Variants in WDSUB1 observed in about 807,000 individuals in gnomAD.
WDSUB1 encodes the protein WD repeat, sterile alpha motif and U-box domain containing 1, also known as WD repeat, SAM and U-box domain-containing protein 1.
In WDSUB1, 49 loss-of-function variants were observed where a neutral mutation model predicts 53.9. The observed-to-expected ratio is 0.91, with a 90% CI of 0.72 to 1.15. The LOEUF is 1.15. Among genes scored for constraint, WDSUB1 ranks in the 50% most tolerant of loss-of-function variants. WDSUB1 has a pLI of 0.00. For missense variants in WDSUB1, 514 were observed against 562.0 expected (o/e 0.91, Z 0.86); for synonymous variants, 194 against 200.6 (o/e 0.97, Z 0.28).
At chr2:159,242,231 ATATTTTTAG>A (rs1287870470) in intron 10 of WDSUB1, among the ~76,000 whole-genome samples, 1 of 146,140 alleles carries the variant, frequency 6.8e-6, no homozygotes, top group African/African-American at 2.7e-5. Context: ...TTTTTTAAAT[ATATTTTTAG>A]TAGAGACGGG....
At chr2:159,250,529 A>G (rs2060927970) in intron 9 of WDSUB1, among the ~76,000 whole-genome samples, 3 of 152,226 alleles carry the variant, frequency 2.0e-5, no homozygotes, top group Non-Finnish European at 4.4e-5. Context: ...CACCACAGCC[A>G]GCCTTGAATG....
intron 10 of WDSUB1, among the ~76,000 whole-genome samples, chr2:159,241,969 T>C (rs2060661965): frequency 6.8e-6 from 1 of 147,690 alleles, no homozygotes; most frequent in Non-Finnish European, 1.5e-5. Flanking sequence ...CAGATAAGAA[T>C]GAAGCATGTA....
At chr2:159,268,482 C>T (rs1575477523) in intron 5 of WDSUB1, among the ~76,000 whole-genome samples, 1 of 152,176 alleles carries the variant, frequency 6.6e-6, no homozygotes, top group East Asian at 1.9e-4. Flanking sequence ...ATGACAACAA[C>T]ATAACTAGTA....
chr2:159,277,282 G>C (rs1275754271), intron 3 of WDSUB1, among the ~76,000 whole-genome samples: 1 of 152,162 alleles, frequency 6.6e-6, no homozygotes, highest in East Asian at 1.9e-4. Flanking sequence ...GAGATCTTGA[G>C]GGATACAGGC....
intron 3 of WDSUB1, among the ~76,000 whole-genome samples, chr2:159,277,308 C>G (rs1183861443): frequency 6.6e-6 from 1 of 152,226 alleles, no homozygotes; most frequent in African/African-American, 2.4e-5. Context: ...CTGATAATCA[C>G]TGTCTTTTTA....
At chr2:159,257,245 A>G (rs1559542733) in intron 8 of WDSUB1, among the ~76,000 whole-genome samples, 1 of 152,132 alleles carries the variant, frequency 6.6e-6, no homozygotes, top group South Asian at 2.1e-4. Context: ...CACGCAATCC[A>G]TCCACCTCGG....
chr2:159,267,617 A>T (rs6737238), intron 5 of WDSUB1, among the ~76,000 whole-genome samples: 22,926 of 152,076 alleles, frequency 0.15, 3,490 homozygotes, highest in African/African-American at 0.38. Context: ...AGTACACAAT[A>T]CTGACCTACA....
chr2:159,282,608 TTCAGTTTTTTTTAAGTACACCTAG>T, intron 2 of WDSUB1, 40 bp downstream of exon 2: 1 of 1,531,356 alleles, frequency 6.5e-7, no homozygotes, highest in Non-Finnish European at 8.8e-7. Flanking sequence ...ATATTTTGCT[TTCAGTTTTTTTTAAGTACACCTAG>T]TCAACAGGAT....
At position 159,235,876 on chromosome 2, in the gene WDSUB1, G is replaced by GT. The variant is rs34183718; in HGVS notation, c.*156dup. 1 of 663,538 alleles carries GT rather than the reference G, an allele frequency of 1.5e-6. No homozygotes were observed. The highest frequency in any genetic ancestry group is 2.3e-6 in the Non-Finnish European group (1 of 442,450). The allele number at this position is 663,538 out of a possible 1,614,324, so 41.1% of individuals were successfully genotyped here. On this transcript the variant is annotated 3_prime_UTR_variant, in exon 11 of 11. Transcript: ENST00000359774. ...AAAGGCTTTTATAGTAAGTCCATGT[G>GT]TTTTTTAAAGAATGAAAATTGACAA...
rs1420466857 is a variant in WDSUB1, at chr2:159,286,684, A to T, written c.-126T>A. The T allele has an allele frequency of 6.6e-6, 1 of 151,964 alleles. No homozygotes were observed. Among genetic ancestry groups the T allele is most frequent in the East Asian group, 1.9e-4 (1 of 5,136 alleles). The allele number at this position is 151,964 out of a possible 1,614,324, so 9.4% of individuals were successfully genotyped here. A position where few individuals can be genotyped will look rare whatever the true frequency, so the allele number is the denominator to read the frequency against. ...GCTGGCGGGGCGGGCGCCGGCGGAG[A>T]CCCAGAGCAGAGGGAACAGGCCCCG... is the stretch of plus-strand genomic sequence containing the variant. On this transcript the variant is annotated 5_prime_UTR_variant, in exon 1 of 11. Coordinates refer to ENST00000359774, the MANE Select transcript of WDSUB1 (RefSeq NM_001128212.3).
chr2:159,266,901 G>A (rs1255604259), intron 5 of WDSUB1, among the ~76,000 whole-genome samples: 1 of 152,092 alleles, frequency 6.6e-6, no homozygotes, highest in Non-Finnish European at 1.5e-5. Flanking sequence ...AGCCTCCTGA[G>A]GAGCTAGGAC....
intron 6 of WDSUB1, among the ~76,000 whole-genome samples, chr2:159,258,407 C>T (rs1241858220): frequency 6.6e-6 from 1 of 152,146 alleles, no homozygotes; most frequent in Non-Finnish European, 1.5e-5. Context: ...ACCTATAATC[C>T]CAGCATGTCG....
intron 9 of WDSUB1, among the ~76,000 whole-genome samples, chr2:159,255,359 C>G (rs896379837): frequency 6.6e-6 from 1 of 151,502 alleles, no homozygotes; most frequent in Non-Finnish European, 1.5e-5. Flanking sequence ...CCCAGCTACT[C>G]GGGAGGCTGA....
chr2:159,256,315 G>A lies in WDSUB1; in HGVS notation c.1013C>T (p.Ser338Leu), dbSNP rs568911372. 3 of 1,612,362 alleles carry A rather than the reference G, an allele frequency of 1.9e-6. No individual in the cohort carries two copies. In the African/African-American group the frequency reaches 4.0e-5, roughly 22 times the overall value. ...TAAATCTTGTGCACAAAGCCATGTT[G>A]AGACATCCTCCTCTGACCAATCTTC... ...FTEDWSEEDVSTWLCAQDLKD... is the reference protein window; with the variant it reads ...FTEDWSEEDVLTWLCAQDLKD... Residue 338 changes from serine (S) to leucine (L), a missense_variant, in exon 9 of 11, where the codon TCA (serine) becomes TTA (leucine). Physicochemically the swap from Ser to Leu is moderately radical, Grantham distance 145 (BLOSUM62 -2). Coordinates refer to ENST00000359774, the MANE Select transcript of WDSUB1 (RefSeq NM_001128212.3).
chr2:159,241,719 CTTTTTTTTTTT>C (rs2060653688), intron 10 of WDSUB1, among the ~76,000 whole-genome samples: 1 of 130,332 alleles, frequency 7.7e-6, no homozygotes, highest in Non-Finnish European at 1.6e-5. Flanking sequence ...TTTCTTTTTT[CTTTTTTTTTTT>C]GAGATGGAGT....
chr2:159,255,270 A>T (rs570703918), intron 9 of WDSUB1, among the ~76,000 whole-genome samples: 14 of 152,208 alleles, frequency 9.2e-5, no homozygotes, highest in Middle Eastern at 6.8e-3. Flanking sequence ...GATCAAGACC[A>T]TCCTGGCTAA....
At chr2:159,280,027 G>C in intron 2 of WDSUB1, 82 bp from the exon 3 acceptor site, 2 of 1,281,886 alleles carry the variant, frequency 1.6e-6, no homozygotes, top group East Asian at 5.1e-5. Flanking sequence ...GCTTGATACA[G>C]TGAAAAGAGA....
rs1226495987 is a variant in WDSUB1, at chr2:159,250,779, TAAGATC to T, written c.1133-2273_1133-2268del. Among the ~76,000 whole-genome samples the T allele has an allele frequency of 4.6e-5, 7 of 152,276 alleles. No individual in the cohort carries two copies. The East Asian group carries it at 1.4e-3, about 29-fold the overall frequency. Reference sequence around the variant, plus strand: ...AAGATTAATAGAATAAAGGCTTAGATAAGATCAAGATTTGCTGAAGTGGGGTATTAG... The same window carrying T: ...AAGATTAATAGAATAAAGGCTTAGATAAGATTTGCTGAAGTGGGGTATTAG... On this transcript the variant is annotated intron_variant, in intron 9 of 10. Transcript: ENST00000359774.
chr2:159,238,903 C>G (rs1490493180), intron 10 of WDSUB1, among the ~76,000 whole-genome samples: 3 of 151,962 alleles, frequency 2.0e-5, no homozygotes, highest in African/African-American at 7.2e-5. Context: ...GTCTTCCTAC[C>G]CCTCAGCATG....
Sources: gnomAD v4.1 joint callset for allele counts (sites outside exome capture counted in the v4.1 genomes callset) on GRCh38, gnomAD v4.1.1 for gene constraint, MANE v1.5 for transcripts, NCBI Gene and HGNC (gene_info 2026-07-23, HGNC 2026-07-21) for gene names.